MYH11: variants seen among roughly 807,000 people sequenced by gnomAD.
MYH11 encodes the protein myosin-11.
Under a neutral mutation model 246.6 loss-of-function variants are expected in MYH11, and 80 were observed. The observed-to-expected ratio is 0.32, with a 90% CI of 0.27 to 0.39. MYH11 has a LOEUF of 0.39. MYH11 is among the 10% of genes least tolerant of loss of function. The pLI, the probability that MYH11 is intolerant of heterozygous loss-of-function variation, is 1.00. For missense variants in MYH11, 2,158 were observed against 2,546.8 expected, an observed-to-expected ratio of 0.85 and a Z score of 3.29; for synonymous variants, 1,071 against 1,015.5, an observed-to-expected ratio of 1.05 and a Z score of -1.04.
intron 40 of MYH11, among the ~76,000 whole-genome samples, chr16:15,707,790 G>A (rs573065948): frequency 9.2e-5 from 14 of 152,118 alleles, no homozygotes; most frequent in Non-Finnish European, 1.3e-4. Flanking sequence ...TGGCCAACAT[G>A]GTGATATCCT....
intron 40 of MYH11, among the ~76,000 whole-genome samples, chr16:15,712,404 C>T (rs1028553879): frequency 2.0e-5 from 3 of 152,036 alleles, no homozygotes; most frequent in Non-Finnish European, 2.9e-5. Context: ...AATCCCAGCA[C>T]GTGGGGAGGC....
At chr16:15,816,243 GC>G (rs1283024286) in intron 3 of MYH11, among the ~76,000 whole-genome samples, 3 of 152,164 alleles carry the variant, frequency 2.0e-5, no homozygotes, top group African/African-American at 7.2e-5. Flanking sequence ...ACAGTTACTA[GC>G]TATAGAGAAA....
rs964718765 is a variant in MYH11, at chr16:15,788,102, A to G, written c.531-1370T>C. Among the ~76,000 whole-genome samples the G allele has an allele frequency of 4.1e-4, 10 of 24,484 alleles. No homozygotes were observed. The East Asian group carries it at 0.011, about 27-fold the overall frequency. The allele number at this position is 24,484 out of a possible 152,430, so 16.1% of individuals were successfully genotyped here. ...CTTTTTTTTTTTTTTTTTTACCAAGATGGCTTTCGTGCACTAGCTGCCTGT... is the reference window on the plus strand; with the variant it reads ...CTTTTTTTTTTTTTTTTTTACCAAGGTGGCTTTCGTGCACTAGCTGCCTGT... On this transcript the variant is annotated intron_variant, in intron 4 of 40. Coordinates refer to ENST00000300036, the MANE Select transcript of MYH11 (RefSeq NM_002474.3).
chr16:15,745,093 G>C, intron 20 of MYH11, 36 bp downstream of exon 20: 6 of 1,529,054 alleles, frequency 3.9e-6, no homozygotes, highest in Non-Finnish European at 5.4e-6. Context: ...GCAGGGCTGG[G>C]GGCCCCTGGG....
At chr16:15,720,629 G>A (rs1478686191) in intron 33 of MYH11, among the ~76,000 whole-genome samples, 2 of 151,890 alleles carry the variant, frequency 1.3e-5, no homozygotes, top group Non-Finnish European at 2.9e-5. Context: ...GCATGCGCCT[G>A]TAATCCAAGC....
intron 2 of MYH11, among the ~76,000 whole-genome samples, chr16:15,837,538 C>CTT (rs11371178): frequency 0.044 from 6,032 of 137,202 alleles, 228 homozygotes; most frequent in African/African-American, 0.067. Context: ...CTCCCATTTC[C>CTT]TTTTTTTTTT....
At chr16:15,811,751 C>CAG (rs1259103564) in intron 3 of MYH11, among the ~76,000 whole-genome samples, 1 of 152,064 alleles carries the variant, frequency 6.6e-6, no homozygotes, top group Non-Finnish European at 1.5e-5. Flanking sequence ...ACTCCACCCG[C>CAG]AGAGTTGTCT....
chr16:15,745,095 G>A (rs375128609), intron 20 of MYH11, 34 bp downstream of exon 20: 21 of 1,543,568 alleles, frequency 1.4e-5, no homozygotes, highest in Admixed American at 1.3e-4. Flanking sequence ...AGGGCTGGGG[G>A]CCCCTGGGAA....
At position 15,757,947 on chromosome 16, in the gene MYH11, C is replaced by T; in HGVS notation, c.1455G>A (p.Gln485=). The change falls in exon 13 of 41, where the codon CAG becomes CAA. Residue 485 remains glutamine (Q), a synonymous_variant. Coordinates refer to ENST00000300036, the MANE Select transcript of MYH11 (RefSeq NM_002474.3). ...GGATGAACATGGTGTGGTTGAAGAG[C>T]TGCTGCAGCTTCTCGTTGGTGTAGT... ...CINYTNEKLQ[Q]LFNHTMFILE... 6.2e-7 allele frequency: 1 copy of T among 1,614,228 alleles called. No individual in the cohort carries two copies. Among genetic ancestry groups the T allele is most frequent in the Admixed American group, 1.7e-5 (1 of 60,034 alleles).
At chr16:15,728,092 G>C (rs147286356) in intron 27 of MYH11, among the ~76,000 whole-genome samples, 16 of 152,302 alleles carry the variant, frequency 1.1e-4, no homozygotes, top group African/African-American at 3.8e-4. Flanking sequence ...AGCCGGGCAT[G>C]GTGGCGCACG....
At chr16:15,834,209 C>T (rs1021091071) in intron 2 of MYH11, among the ~76,000 whole-genome samples, 4 of 152,056 alleles carry the variant, frequency 2.6e-5, no homozygotes, top group African/African-American at 9.7e-5. Context: ...CTCTAGCTCC[C>T]TACAGACGGG....
intron 1 of MYH11, among the ~76,000 whole-genome samples, chr16:15,850,104 G>A (rs563545310): frequency 1.3e-5 from 2 of 152,328 alleles, no homozygotes; most frequent in African/African-American, 2.4e-5. Flanking sequence ...AGTAAATTAG[G>A]CCGGGCATGG....
chr16:15,843,565 C>T (rs1420364905), intron 1 of MYH11, among the ~76,000 whole-genome samples: 5 of 148,816 alleles, frequency 3.4e-5, no homozygotes, highest in Admixed American at 1.3e-4. Flanking sequence ...TGGTGGCGGC[C>T]GCGTGTAGTC....
intron 40 of MYH11, among the ~76,000 whole-genome samples, chr16:15,711,715 C>T (rs1260063153): frequency 1.3e-5 from 2 of 151,772 alleles, no homozygotes; most frequent in East Asian, 3.9e-4. Flanking sequence ...TTTTTTGAGA[C>T]CGAGTTTTGG....
chr16:15,725,860 A>G (rs1399591652), intron 28 of MYH11: 1 of 395,118 alleles, frequency 2.5e-6, no homozygotes, highest in Non-Finnish European at 4.5e-6. Context: ...ACAGCTTCAC[A>G]TTGCCCAGAG....
At chr16:15,849,191 A>G (rs1164236347) in intron 1 of MYH11, among the ~76,000 whole-genome samples, 1 of 152,084 alleles carries the variant, frequency 6.6e-6, no homozygotes, top group Non-Finnish European at 1.5e-5. Flanking sequence ...GGTGTGGGCC[A>G]CTATGCCCGG....
chr16:15,737,684 T>C (rs1292132020), intron 24 of MYH11, 64 bp from the exon 25 acceptor site: 1 of 1,584,564 alleles, frequency 6.3e-7, no homozygotes, highest in Non-Finnish European at 8.6e-7. Context: ...AAATGAGCCT[T>C]CCTGCCCAGG....
chr16:15,817,089 C>T (rs941898892), intron 3 of MYH11, among the ~76,000 whole-genome samples: 3 of 152,070 alleles, frequency 2.0e-5, no homozygotes, highest in Admixed American at 2.0e-4. Context: ...AGGAGAAAAC[C>T]TCATACACTA....
intron 40 of MYH11, chr16:15,712,882 G>GTTTTTTTTTTGTTTTTTTTTTT (rs2039888905): frequency 1.1e-5 from 1 of 90,636 alleles, no homozygotes. Flanking sequence ...TTCACATACA[G>GTTTTTTTTTTGTTTTTTTTTTT]TTTTTTTTTT....
Sources: allele counts gnomAD v4.1 joint callset (sites outside exome capture counted in the v4.1 genomes callset), GRCh38; gene constraint gnomAD v4.1.1; transcripts MANE v1.5; gene names NCBI Gene and HGNC (gene_info 2026-07-23, HGNC 2026-07-21).